Variants in RAB38 observed in about 807,000 individuals in gnomAD.
RAB38 encodes ras-related protein Rab-38.
A neutral mutation model predicts 18.4 loss-of-function variants in RAB38; 15 were observed. The ratio of observed to expected loss-of-function variants is 0.82; its 90% CI spans 0.55 to 1.26. The LOEUF (loss-of-function observed/expected upper bound fraction) is 1.26. Among genes scored for constraint, RAB38 ranks in the 50% most tolerant of loss-of-function variants. The pLI is 0.00. For missense variants in RAB38, 294 were observed against 267.4 expected (o/e 1.10, Z -0.69); for synonymous variants, 101 against 104.4 (o/e 0.97, Z 0.20).
chr11:88,147,410 A>C (rs1354265844), intron 2 of RAB38, among the ~76,000 whole-genome samples: 2 of 152,014 alleles, frequency 1.3e-5, no homozygotes, highest in Non-Finnish European at 2.9e-5. Context: ...AGGAGTTCTC[A>C]AAGTCCTACT....
the RAB38 span, among the ~76,000 whole-genome samples, chr11:87,885,407 A>C: frequency 1.3e-5 from 2 of 150,734 alleles, no homozygotes; most frequent in Non-Finnish European, 3.0e-5. Context: ...CTCTGTTGCT[A>C]CACTTACCAC....
At chr11:88,022,186 C>T in the RAB38 span, among the ~76,000 whole-genome samples, 15 of 151,592 alleles carry the variant, frequency 9.9e-5, no homozygotes, top group African/African-American at 3.4e-4. Context: ...AAGGATGGCT[C>T]GACATGCAAA....
At chr11:88,034,164 G>T in the RAB38 span, among the ~76,000 whole-genome samples, 5 of 151,980 alleles carry the variant, frequency 3.3e-5, no homozygotes, top group Non-Finnish European at 7.4e-5. Flanking sequence ...TAACCATTTG[G>T]GATTCGCTTT....
At chr11:88,006,616 A>G in the RAB38 span, among the ~76,000 whole-genome samples, 2 of 103,754 alleles carry the variant, frequency 1.9e-5, no homozygotes, top group South Asian at 3.3e-4. Flanking sequence ...CATTATATAT[A>G]TGTATATATA....
chr11:87,938,097 T>TGTCA, the RAB38 span, among the ~76,000 whole-genome samples: 1 of 152,140 alleles, frequency 6.6e-6, no homozygotes, highest in Non-Finnish European at 1.5e-5. Context: ...TCGCTTTCTC[T>TGTCA]GTCATCTTGT....
At chr11:88,013,131 G>A in the RAB38 span, among the ~76,000 whole-genome samples, 1 of 152,114 alleles carries the variant, frequency 6.6e-6, no homozygotes, top group Non-Finnish European at 1.5e-5. Context: ...CAAAAGGCCT[G>A]TAGGTAATAA....
chr11:87,836,364 G>T, the RAB38 span, among the ~76,000 whole-genome samples: 2 of 151,864 alleles, frequency 1.3e-5, no homozygotes, highest in Non-Finnish European at 2.9e-5. Context: ...CTATCTACCT[G>T]ATTTCTCAGT....
the RAB38 span, among the ~76,000 whole-genome samples, chr11:87,814,864 G>A: frequency 6.6e-6 from 1 of 151,912 alleles, no homozygotes; most frequent in Admixed American, 6.6e-5. Flanking sequence ...CTCCCGAGTA[G>A]CTGGGACTAC....
At chr11:88,132,076 T>C (rs1384225861) in intron 2 of RAB38, among the ~76,000 whole-genome samples, 1 of 152,186 alleles carries the variant, frequency 6.6e-6, no homozygotes, top group African/African-American at 2.4e-5. Context: ...AACACAGCTA[T>C]GACCAGCATC....
At chr11:87,893,947 A>T in the RAB38 span, among the ~76,000 whole-genome samples, 1 of 151,670 alleles carries the variant, frequency 6.6e-6, no homozygotes, top group East Asian at 2.0e-4. Flanking sequence ...TATTTGTGAA[A>T]ATAAAATGCC....
the RAB38 span, among the ~76,000 whole-genome samples, chr11:88,056,660 C>G: frequency 2.6e-5 from 4 of 151,918 alleles, no homozygotes; most frequent in Non-Finnish European, 5.9e-5. Context: ...AAAAATTAGA[C>G]GAGCGAGGTG....
At chr11:87,904,708 A>C in the RAB38 span, among the ~76,000 whole-genome samples, 1 of 149,166 alleles carries the variant, frequency 6.7e-6, no homozygotes, top group Non-Finnish European at 1.5e-5. Context: ...AACAGTGTAT[A>C]AGTGTTCCCT....
chr11:88,150,151 A>G (rs1943047369), intron 1 of RAB38, among the ~76,000 whole-genome samples, 196 bp from the exon 2 acceptor site: 1 of 152,220 alleles, frequency 6.6e-6, no homozygotes, highest in Non-Finnish European at 1.5e-5. Context: ...GAATTCATCC[A>G]TTTAACAAAT....
chr11:87,899,250 C>T, the RAB38 span, among the ~76,000 whole-genome samples: 2 of 151,618 alleles, frequency 1.3e-5, no homozygotes, highest in Non-Finnish European at 3.0e-5. Flanking sequence ...CTGTAAGATG[C>T]TATGAGCTAG....
At chr11:88,121,348 A>G (rs768635172) in intron 2 of RAB38, among the ~76,000 whole-genome samples, 1 of 152,224 alleles carries the variant, frequency 6.6e-6, no homozygotes, top group Non-Finnish European at 1.5e-5. Context: ...GCCTGATGGC[A>G]TGTATTTTAC....
the RAB38 span, among the ~76,000 whole-genome samples, chr11:87,937,803 A>G: frequency 7.2e-6 from 1 of 138,558 alleles, no homozygotes; most frequent in Admixed American, 7.2e-5. Context: ...GGCAGTTTCT[A>G]TTGCTTGGCC....
At chr11:87,821,973 A>G in the RAB38 span, among the ~76,000 whole-genome samples, 1 of 152,098 alleles carries the variant, frequency 6.6e-6, no homozygotes, top group Non-Finnish European at 1.5e-5. Flanking sequence ...TGGCTTTTGT[A>G]TTTCTTAGCA....
At chr11:87,878,230 T>C in the RAB38 span, among the ~76,000 whole-genome samples, 8 of 122,076 alleles carry the variant, frequency 6.6e-5, no homozygotes, top group East Asian at 2.2e-4. Context: ...TATACACACA[T>C]ATATATACAC....
chr11:88,022,266 G>GA, the RAB38 span, among the ~76,000 whole-genome samples: 105,534 of 150,856 alleles, frequency 0.7, 37,103 homozygotes, highest in East Asian at 0.76. Context: ...AACTGATGCT[G>GA]AAAAAGCATT....
Sources: allele counts gnomAD v4.1 joint callset (sites outside exome capture counted in the v4.1 genomes callset), GRCh38; gene constraint gnomAD v4.1.1; transcripts MANE v1.5; gene names NCBI Gene and HGNC (gene_info 2026-07-23, HGNC 2026-07-21).